PAWR: variants seen among roughly 807,000 people sequenced by gnomAD.
PAWR encodes the protein PRKC apoptosis WT1 regulator protein.
Under a neutral mutation model 32.0 loss-of-function variants are expected in PAWR, and 23 were observed. That is an observed-to-expected ratio of 0.72 (90% CI 0.52 to 1.02). The LOEUF is 1.02. Ranked by LOEUF, PAWR falls within the 50% of genes least tolerant of loss-of-function variation. The pLI is 0.00. For synonymous variants in PAWR, 226 were observed against 187.1 expected (o/e 1.21, Z -1.70); for missense variants, 457 against 437.7 (o/e 1.04, Z -0.39).
At chr12:79,641,587 G>A (rs550648341) in intron 2 of PAWR, among the ~76,000 whole-genome samples, 15 of 152,134 alleles carry the variant, frequency 9.9e-5, no homozygotes, top group Middle Eastern at 3.4e-3. Flanking sequence ...GGTGGCTCAC[G>A]CCTGTAATCC....
intron 2 of PAWR, among the ~76,000 whole-genome samples, chr12:79,638,752 GCCTC>G (rs1876091731): frequency 6.8e-6 from 1 of 147,448 alleles, no homozygotes; most frequent in South Asian, 2.2e-4. Flanking sequence ...TAGATCTATT[GCCTC>G]CCTATCAAGT....
intron 4 of PAWR, 150 bp from the exon 5 acceptor site, chr12:79,596,808 A>T: frequency 1.9e-6 from 1 of 523,468 alleles, no homozygotes; most frequent in Admixed American, 3.9e-5. Flanking sequence ...GTTAATCATT[A>T]TTCCCACACA....
chr12:79,619,453 C>A (rs1874896863), intron 3 of PAWR, among the ~76,000 whole-genome samples: 1 of 152,100 alleles, frequency 6.6e-6, no homozygotes, highest in South Asian at 2.1e-4. Flanking sequence ...AAAATCATAT[C>A]CTGAAGTTGC....
At chr12:79,676,291 CT>C (rs1454100479) in intron 2 of PAWR, among the ~76,000 whole-genome samples, 1 of 152,126 alleles carries the variant, frequency 6.6e-6, no homozygotes, top group Non-Finnish European at 1.5e-5. Flanking sequence ...AAATACCTTT[CT>C]TCACCCATAA....
intron 2 of PAWR, among the ~76,000 whole-genome samples, chr12:79,648,144 G>A (rs1203771330): frequency 2.0e-5 from 3 of 152,110 alleles, no homozygotes; most frequent in Non-Finnish European, 4.4e-5. Flanking sequence ...ACAGAATGGC[G>A]ACCCCTGTTC....
intron 2 of PAWR, among the ~76,000 whole-genome samples, chr12:79,647,796 C>A (rs1876646996): frequency 6.6e-6 from 1 of 152,162 alleles, no homozygotes; most frequent in Non-Finnish European, 1.5e-5. Flanking sequence ...CCTTTGATAA[C>A]CAACTAAGTA....
chr12:79,690,132 C>A lies in PAWR; in HGVS notation c.113G>T (p.Gly38Val). 1 of 1,514,500 alleles carries A rather than the reference C, an allele frequency of 6.6e-7. No homozygotes were observed. 93.8% of individuals were successfully genotyped at this position (1,514,500 alleles called of 1,614,324 possible). A position where few individuals can be genotyped will look rare whatever the true frequency, so the allele number is the denominator to read the frequency against. ...EKMRAKQNPP[G>V]PAPPGGGSSD... Reference sequence around the variant, plus strand: ...GCTGCCCCCTCCCGGGGGGGCCGGGCCCGGGGGGTTCTGCTTGGCGCGCAT... The same window carrying A: ...GCTGCCCCCTCCCGGGGGGGCCGGGACCGGGGGGTTCTGCTTGGCGCGCAT... The change falls in exon 2 of 7, where the codon GGC (glycine) becomes GTC (valine). Residue 38 changes from glycine to valine, a missense_variant. Gly to Val is a moderately radical substitution (Grantham distance 109, BLOSUM62 -3). Transcript: ENST00000328827.
At position 79,591,687 on chromosome 12, in the gene PAWR, T is replaced by C. The variant is rs1162832209; in HGVS notation, c.*920A>G. 1 of 152,148 alleles carries C rather than the reference T, an allele frequency of 6.6e-6. No individual in the cohort carries two copies. Among genetic ancestry groups the C allele is most frequent in the Non-Finnish European group, 1.5e-5 (1 of 67,986 alleles). The allele number at this position is 152,148 out of a possible 1,614,324, so 9.4% of individuals were successfully genotyped here. A position where few individuals can be genotyped will look rare whatever the true frequency, so the allele number is the denominator to read the frequency against. On this transcript the variant is annotated 3_prime_UTR_variant, in exon 7 of 7. Coordinates refer to ENST00000328827, the MANE Select transcript of PAWR (RefSeq NM_002583.4). ...AACTTAGAAATTAGGCAAAGTATTT[T>C]AGTACTATTTCTGCTTACATATTGT... is the stretch of plus-strand genomic sequence containing the variant.
chr12:79,631,021 A>T lies in PAWR; in HGVS notation c.517-9814T>A, dbSNP rs79844584. Among the ~76,000 whole-genome samples the T allele has an allele frequency of 8.1e-4, 123 of 152,320 alleles. 1 individual carries two copies. In the East Asian group the frequency reaches 0.023, roughly 29 times the overall value. On this transcript the variant is annotated intron_variant, in intron 2 of 6. Transcript: ENST00000328827. ...CTATCCCAGTAAAACACTTTGTTTA[A>T]CCTTCAAATCAGTGATTCATCATCT...
Position 79,591,110 on chromosome 12 carries a change from G to A in PAWR, c.*1497C>T, listed in dbSNP as rs1381366582. On this transcript the variant is annotated 3_prime_UTR_variant, in exon 7 of 7. Transcript: ENST00000328827. Reference sequence around the variant, plus strand: ...CAGAGTCTCAACCTAAACCTACATAGGAGCTACAGCCAGGGAGTTCTTTCT... The same window carrying A: ...CAGAGTCTCAACCTAAACCTACATAAGAGCTACAGCCAGGGAGTTCTTTCT... 1 of 152,170 alleles carries A rather than the reference G, an allele frequency of 6.6e-6. No individual in the cohort carries two copies. The highest frequency in any genetic ancestry group is 1.5e-5 in the Non-Finnish European group (1 of 68,026). 9.4% of individuals were successfully genotyped at this position (152,170 alleles called of 1,614,324 possible).
At chr12:79,607,298 A>T (rs1382181099) in intron 4 of PAWR, among the ~76,000 whole-genome samples, 1 of 151,820 alleles carries the variant, frequency 6.6e-6, no homozygotes, top group African/African-American at 2.4e-5. Flanking sequence ...TTAAAAAAAA[A>T]GAAAGAAAGA....
chr12:79,632,316 T>TATATATATATATATATATATAC (rs1875694086), intron 2 of PAWR, among the ~76,000 whole-genome samples: 1 of 21,554 alleles, frequency 4.6e-5, no homozygotes, highest in Non-Finnish European at 6.8e-5. Context: ...TACATACATA[T>TATATATATATATATATATATAC]ATATATATAT....
intron 2 of PAWR, among the ~76,000 whole-genome samples, chr12:79,636,858 C>T (rs1442275310): frequency 6.6e-6 from 1 of 152,040 alleles, no homozygotes; most frequent in Non-Finnish European, 1.5e-5. Context: ...GTAGACACAA[C>T]ATATGTACAT....
intron 2 of PAWR, among the ~76,000 whole-genome samples, chr12:79,675,698 C>A (rs369154435): frequency 2.0e-4 from 31 of 151,904 alleles, no homozygotes; most frequent in African/African-American, 7.5e-4. Flanking sequence ...TACACATGGA[C>A]GCAAAGAAGG....
intron 2 of PAWR, among the ~76,000 whole-genome samples, chr12:79,641,955 A>G (rs949434930): frequency 1.3e-5 from 2 of 151,778 alleles, no homozygotes; most frequent in Non-Finnish European, 2.9e-5. Context: ...TTGAGATGCT[A>G]CAAGGGGACC....
intron 2 of PAWR, among the ~76,000 whole-genome samples, chr12:79,642,211 AT>A (rs1876360238): frequency 6.6e-6 from 1 of 152,244 alleles, no homozygotes. Flanking sequence ...ATACAAGAAA[AT>A]TAGTATTTCT....
chr12:79,637,326 GGAGA>G (rs1876007989), intron 2 of PAWR, among the ~76,000 whole-genome samples: 1 of 151,898 alleles, frequency 6.6e-6, no homozygotes, highest in African/African-American at 2.4e-5. Context: ...TTTTCTTCAG[GGAGA>G]CCATGTCAAT....
At chr12:79,632,296 C>CATATATATATATACATAT (rs1190978680) in intron 2 of PAWR, 2 of 36,774 alleles carry the variant, frequency 5.4e-5, no homozygotes, top group Non-Finnish European at 7.7e-5. Flanking sequence ...GAAATATATA[C>CATATATATATATACATAT]ATATATATAT....
chr12:79,596,781 T>C (rs1565996236), intron 4 of PAWR, 123 bp from the exon 5 acceptor site: 1 of 558,750 alleles, frequency 1.8e-6, no homozygotes, highest in Non-Finnish European at 3.1e-6. Flanking sequence ...AGTAGCAACT[T>C]ATTTGTAACT....
Sources: gnomAD v4.1 joint callset for allele counts (sites outside exome capture counted in the v4.1 genomes callset) on GRCh38, gnomAD v4.1.1 for gene constraint, MANE v1.5 for transcripts, NCBI Gene and HGNC (gene_info 2026-07-23, HGNC 2026-07-21) for gene names.